Variants in RAP2A observed in about 807,000 individuals in gnomAD.
RAP2A encodes the protein ras-related protein Rap-2a.
A neutral mutation model predicts 15.1 loss-of-function variants in RAP2A; 5 were observed. That is an observed-to-expected ratio of 0.33 (90% CI 0.17 to 0.70). The LOEUF is 0.70. RAP2A is among the 30% of genes least tolerant of loss of function. The pLI, the probability that RAP2A is intolerant of heterozygous loss-of-function variation, is 0.68. For missense variants in RAP2A, 111 were observed against 240.3 expected, an observed-to-expected ratio of 0.46 and a Z score of 3.56; for synonymous variants, 110 against 99.7, an observed-to-expected ratio of 1.10 and a Z score of -0.62.
chr13:97,443,755 G>A (rs987485857), intron 1 of RAP2A, among the ~76,000 whole-genome samples: 2 of 152,088 alleles, frequency 1.3e-5, no homozygotes, highest in Non-Finnish European at 2.9e-5. Flanking sequence ...TATAATTCTC[G>A]AATGGAGTAT....
intron 1 of RAP2A, among the ~76,000 whole-genome samples, chr13:97,459,106 T>C (rs2153180248): frequency 6.6e-6 from 1 of 152,240 alleles, no homozygotes; most frequent in Admixed American, 6.5e-5. Flanking sequence ...TAAAGGAAAT[T>C]TCAAGGAAGA....
chr13:97,436,175 G>C (rs1329035715), intron 1 of RAP2A: 1 of 152,132 alleles, frequency 6.6e-6, no homozygotes, highest in African/African-American at 2.4e-5. Flanking sequence ...GGTCTCTGCT[G>C]CTAAGATTTG....
At position 97,443,439 on chromosome 13, in the gene RAP2A, G is replaced by A. The variant is rs9556721; in HGVS notation, c.314+8655G>A. 0.018 allele frequency among the ~76,000 whole-genome samples: 2,674 copies of A among 152,248 alleles called. 164 individuals carry two copies. The East Asian group carries it at 0.2, about 12-fold the overall frequency. ...GTCTTGTTCTGTTGCCCAGGCTGGA[G>A]TGCAGCGGCGCCATCAGAGCTTACT... On this transcript the variant is annotated intron_variant, in intron 1 of 1. Coordinates refer to ENST00000245304, the MANE Select transcript of RAP2A (RefSeq NM_021033.7).
At position 97,434,892 on chromosome 13, in the gene RAP2A, C is replaced by T. The variant is rs995074362; in HGVS notation, c.314+108C>T. On this transcript the variant is annotated intron_variant, in intron 1 of 1. Transcript: ENST00000245304. Reference sequence around the variant, plus strand: ...GGAAGGGGCTTTCTGGGGGGTGGCTCCAAGCTGGAGGCTTTACTATTGTCA... The same window carrying T: ...GGAAGGGGCTTTCTGGGGGGTGGCTTCAAGCTGGAGGCTTTACTATTGTCA... 20 of 1,454,956 alleles carry T rather than the reference C, an allele frequency of 1.4e-5. No individual in the cohort carries two copies. In the African/African-American group the frequency reaches 2.1e-4, roughly 16 times the overall value. The allele number at this position is 1,454,956 out of a possible 1,614,324, so 90.1% of individuals were successfully genotyped here. A position where few individuals can be genotyped will look rare whatever the true frequency, so the allele number is the denominator to read the frequency against.
intron 1 of RAP2A, among the ~76,000 whole-genome samples, chr13:97,449,169 CCTT>C (rs1162392190): frequency 6.6e-6 from 1 of 152,158 alleles, no homozygotes; most frequent in Non-Finnish European, 1.5e-5. Context: ...CTGGAAACCT[CCTT>C]GTCTGCTTAC....
At chr13:97,464,119 A>G (rs1360232664) in intron 1 of RAP2A, 86 bp from the exon 2 acceptor site, 23 of 1,167,512 alleles carry the variant, frequency 2.0e-5, no homozygotes, top group Non-Finnish European at 2.9e-5. Flanking sequence ...ATGTTGGAAT[A>G]GCCCCCAAAA....
chr13:97,467,669 A>G lies in RAP2A; in HGVS notation c.*3227A>G, dbSNP rs1056223553. ...CTTAGCCAATCAAACATTAAGGACTATGGAGGTCTTTTTTTTTTTATTTAA... is the reference window on the plus strand; with the variant it reads ...CTTAGCCAATCAAACATTAAGGACTGTGGAGGTCTTTTTTTTTTTATTTAA... On this transcript the variant is annotated 3_prime_UTR_variant, in exon 2 of 2. Coordinates refer to ENST00000245304, the MANE Select transcript of RAP2A (RefSeq NM_021033.7). 9.6e-6 allele frequency: 1 copy of G among 104,670 alleles called. No homozygotes were observed. The highest frequency in any genetic ancestry group is 1.9e-5 in the Non-Finnish European group (1 of 52,798). 6.5% of individuals were successfully genotyped at this position (104,670 alleles called of 1,614,324 possible). A position where few individuals can be genotyped will look rare whatever the true frequency, so the allele number is the denominator to read the frequency against.
Position 97,434,672 on chromosome 13 carries a change from C to A in RAP2A, c.202C>A (p.Arg68=). ...TAGTEQFASM[R]DLYIKNGQGF... ...GGGCACCGAGCAGTTCGCGTCCATG[C>A]GGGACCTGTACATCAAGAACGGCCA... The change falls in exon 1 of 2, where the codon CGG becomes AGG. Residue 68 remains arginine, a synonymous_variant. Coordinates refer to ENST00000245304, the MANE Select transcript of RAP2A (RefSeq NM_021033.7). 6.2e-7 allele frequency: 1 copy of A among 1,614,144 alleles called. No homozygotes were observed. The highest frequency in any genetic ancestry group is 8.5e-7 in the Non-Finnish European group (1 of 1,180,004).
At position 97,434,273 on chromosome 13, in the gene RAP2A, G is replaced by C. The variant is rs2066622475; in HGVS notation, c.-198G>C. ...CGGGGCCGCATCGCCGCCCGGCTCGGCCCGGCCCATGCCCAGGGCCGCTGC... is the reference window on the plus strand; with the variant it reads ...CGGGGCCGCATCGCCGCCCGGCTCGCCCCGGCCCATGCCCAGGGCCGCTGC... On this transcript the variant is annotated 5_prime_UTR_variant, in exon 1 of 2. Coordinates refer to ENST00000245304, the MANE Select transcript of RAP2A (RefSeq NM_021033.7). The C allele has an allele frequency of 5.8e-6, 1 of 172,978 alleles. No homozygotes were observed. Among genetic ancestry groups the C allele is most frequent in the Admixed American group, 6.9e-5 (1 of 14,518 alleles). The allele number at this position is 172,978 out of a possible 1,614,324, so 10.7% of individuals were successfully genotyped here. A position where few individuals can be genotyped will look rare whatever the true frequency, so the allele number is the denominator to read the frequency against.
intron 1 of RAP2A, among the ~76,000 whole-genome samples, chr13:97,449,284 G>A (rs1314824183): frequency 3.3e-5 from 5 of 152,180 alleles, no homozygotes; most frequent in Non-Finnish European, 5.9e-5. Flanking sequence ...TAATTATTAC[G>A]GAAGTAGCAT....
At chr13:97,436,545 C>G (rs2066635250) in intron 1 of RAP2A, among the ~76,000 whole-genome samples, 1 of 152,144 alleles carries the variant, frequency 6.6e-6, no homozygotes, top group Non-Finnish European at 1.5e-5. Flanking sequence ...TGGCTAACTT[C>G]TTGACACAAG....
chr13:97,461,739 G>A (rs1382062009), intron 1 of RAP2A, among the ~76,000 whole-genome samples: 3 of 151,726 alleles, frequency 2.0e-5, no homozygotes, highest in African/African-American at 7.3e-5. Context: ...TGAGGCGGGC[G>A]GATCACGAGG....
intron 1 of RAP2A, among the ~76,000 whole-genome samples, chr13:97,444,876 G>T (rs1408737945): frequency 6.6e-6 from 1 of 151,962 alleles, no homozygotes; most frequent in Non-Finnish European, 1.5e-5. Flanking sequence ...GTCTCTTCAG[G>T]CTGCTATAAC....
At position 97,448,212 on chromosome 13, in the gene RAP2A, G is replaced by A. The variant is rs540356696; in HGVS notation, c.314+13428G>A. On this transcript the variant is annotated intron_variant, in intron 1 of 1. Coordinates refer to ENST00000245304, the MANE Select transcript of RAP2A (RefSeq NM_021033.7). ...GTTTTCAGACTAGATGGTTAGTTTT[G>A]GCCATCCTTGGCCAGAGGAATGGAA... 1.0e-3 allele frequency among the ~76,000 whole-genome samples: 159 copies of A among 152,124 alleles called. 1 individual carries two copies. The highest frequency in any genetic ancestry group is 3.7e-3 in the African/African-American group (154 of 41,496).
chr13:97,466,404 A>T lies in RAP2A; in HGVS notation c.*1962A>T, dbSNP rs554740271. 2 of 152,286 alleles carry T rather than the reference A, an allele frequency of 1.3e-5. 1 individual carries two copies. Among genetic ancestry groups the T allele is most frequent in the African/African-American group, 4.8e-5 (2 of 41,576 alleles). The allele number at this position is 152,286 out of a possible 1,614,324, so 9.4% of individuals were successfully genotyped here. A position where few individuals can be genotyped will look rare whatever the true frequency, so the allele number is the denominator to read the frequency against. ...AATTTAACCAATTTTATTGAAACGA[A>T]TTTCACTGTGTAAAAGTTGGTTTGA... On this transcript the variant is annotated 3_prime_UTR_variant, in exon 2 of 2. Coordinates refer to ENST00000245304, the MANE Select transcript of RAP2A (RefSeq NM_021033.7).
intron 1 of RAP2A, 135 bp from the exon 2 acceptor site, chr13:97,464,070 G>A (rs2066759460): frequency 1.3e-6 from 1 of 747,792 alleles, no homozygotes; most frequent in South Asian, 1.8e-5. Context: ...ATCAAGCCAA[G>A]TGGTACAAAT....
intron 1 of RAP2A, among the ~76,000 whole-genome samples, chr13:97,442,900 TATAGC>T (rs1291139191): frequency 6.6e-6 from 1 of 152,218 alleles, no homozygotes; most frequent in African/African-American, 2.4e-5. Flanking sequence ...AACAAAAAGA[TATAGC>T]ATATCTTTTG....
intron 1 of RAP2A, among the ~76,000 whole-genome samples, chr13:97,457,829 G>A (rs775010435): frequency 6.6e-6 from 1 of 152,004 alleles, no homozygotes; most frequent in Non-Finnish European, 1.5e-5. Context: ...ATTAAGTATT[G>A]CCAGGTATTT....
At chr13:97,452,634 T>TCACACACA (rs962337332) in intron 1 of RAP2A, among the ~76,000 whole-genome samples, 3 of 113,832 alleles carry the variant, frequency 2.6e-5, no homozygotes, top group Admixed American at 1.0e-4. Flanking sequence ...CAAGAATCAG[T>TCACACACA]CACACACACA....
Sources: gnomAD v4.1 joint callset for allele counts (sites outside exome capture counted in the v4.1 genomes callset) on GRCh38, gnomAD v4.1.1 for gene constraint, MANE v1.5 for transcripts, NCBI Gene and HGNC (gene_info 2026-07-23, HGNC 2026-07-21) for gene names.